The following RIMS1 variants were observed in gnomAD, a reference collection of about 807,000 sequenced individuals.
The protein encoded by RIMS1 is regulating synaptic membrane exocytosis 1.
Under a neutral mutation model 214.1 loss-of-function variants are expected in RIMS1, and 83 were observed. That is an observed-to-expected ratio of 0.39 (90% CI 0.32 to 0.47). The LOEUF is 0.47. Ranked by LOEUF, RIMS1 falls within the 20% of genes least tolerant of loss-of-function variation. The probability of loss-of-function intolerance (pLI) is 0.99; values close to 1 mark genes in which losing one functional copy is unlikely to be tolerated. For synonymous variants in RIMS1, 793 were observed against 786.8 expected, an observed-to-expected ratio of 1.01 and a Z score of -0.13; for missense variants, 2,050 against 2,161.8, an observed-to-expected ratio of 0.95 and a Z score of 1.03.
intron 28 of RIMS1, among the ~76,000 whole-genome samples, chr6:72,324,074 A>AGATAGATAGAT (rs1463457998): frequency 6.6e-6 from 1 of 151,886 alleles, no homozygotes; most frequent in African/African-American, 2.4e-5. Flanking sequence ...ATAGATAGAT[A>AGATAGATAGAT]GATAGAGAAC....
At chr6:72,208,342 C>T (rs1215914148) in intron 6 of RIMS1, among the ~76,000 whole-genome samples, 2 of 152,116 alleles carry the variant, frequency 1.3e-5, no homozygotes, top group South Asian at 2.1e-4. Flanking sequence ...AAATTTGGTC[C>T]TTGGTCAGTG....
intron 4 of RIMS1, among the ~76,000 whole-genome samples, chr6:72,141,028 A>G (rs1205235015): frequency 2.0e-5 from 3 of 152,016 alleles, no homozygotes; most frequent in African/African-American, 7.2e-5. Flanking sequence ...GTTGATGAGT[A>G]GTAGGTTATA....
At chr6:72,396,822 G>C (rs1440625952) in intron 31 of RIMS1, among the ~76,000 whole-genome samples, 2 of 152,102 alleles carry the variant, frequency 1.3e-5, no homozygotes, top group Admixed American at 1.3e-4. Flanking sequence ...AGACCAGCCT[G>C]ACCAACATGG....
At position 72,156,067 on chromosome 6, in the gene RIMS1, T is replaced by C; in HGVS notation, c.472-23508T>C. The C allele has an allele frequency of 5.5e-6, 2 of 365,988 alleles. 1 individual carries two copies. The highest frequency in any genetic ancestry group is 4.0e-5 in the South Asian group (2 of 49,536). The allele number at this position is 365,988 out of a possible 1,614,324, so 22.7% of individuals were successfully genotyped here. A position where few individuals can be genotyped will look rare whatever the true frequency, so the allele number is the denominator to read the frequency against. On this transcript the variant is annotated intron_variant, in intron 4 of 33. Transcript: ENST00000521978. ...CTATGGAAAACAGTATGGAGTTCCC[T>C]CAGAAAATTATAAATAGAAGTACTA...
In RIMS1 at chr6:72,250,905, C is replaced by T. The variant is rs951089798; in HGVS notation, c.2373-16C>T. On this transcript the variant is annotated splice_polypyrimidine_tract_variant and intron_variant, in intron 13 of 33. Coordinates refer to ENST00000521978, the MANE Select transcript of RIMS1 (RefSeq NM_014989.7). ...TGTACTTGCTTTTTCATTTACAAAA[C>T]ATACTTATTTTTCAGTGATAAAAGT... is the stretch of plus-strand genomic sequence containing the variant. The T allele has an allele frequency of 1.4e-5, 20 of 1,428,422 alleles. No homozygotes were observed. In the African/African-American group the frequency reaches 2.3e-4, roughly 17 times the overall value. The allele number at this position is 1,428,422 out of a possible 1,614,324, so 88.5% of individuals were successfully genotyped here.
chr6:72,385,180 T>C (rs2098565946), intron 29 of RIMS1, among the ~76,000 whole-genome samples: 1 of 152,222 alleles, frequency 6.6e-6, no homozygotes, highest in African/African-American at 2.4e-5. Flanking sequence ...TAGTAGACTT[T>C]ATGTCTTTAT....
rs572173491 is a variant in RIMS1, at chr6:72,195,423, T to C, written c.1678+12274T>C. ...CTGGATTAGTCTAAGAAATGATACA[T>C]GCAAGAATATCAAACAATGAGTAGC... On this transcript the variant is annotated intron_variant, in intron 6 of 33. Transcript: ENST00000521978. 9.2e-5 allele frequency among the ~76,000 whole-genome samples: 14 copies of C among 152,240 alleles called. No homozygotes were observed. In the South Asian group the frequency reaches 2.3e-3, roughly 25 times the overall value.
intron 4 of RIMS1, among the ~76,000 whole-genome samples, chr6:72,161,017 C>CTT (rs1180793385): frequency 7.6e-6 from 1 of 132,448 alleles, no homozygotes; most frequent in Admixed American, 7.8e-5. Context: ...TGGTTCTGGA[C>CTT]TTTTTTTTTT....
At chr6:71,959,517 A>C (rs1317559754) in intron 1 of RIMS1, among the ~76,000 whole-genome samples, 3 of 152,150 alleles carry the variant, frequency 2.0e-5, no homozygotes, top group African/African-American at 7.2e-5. Context: ...AATAGAAAAC[A>C]GAAAACTCAT....
At chr6:71,984,788 T>C (rs867288917) in intron 2 of RIMS1, among the ~76,000 whole-genome samples, 4,390 of 147,410 alleles carry the variant, frequency 0.03, 95 homozygotes, top group Admixed American at 0.048. Context: ...TATCTATCTA[T>C]CTATCTATCT....
chr6:71,914,045 G>A (rs934113758), intron 1 of RIMS1, among the ~76,000 whole-genome samples: 2 of 152,110 alleles, frequency 1.3e-5, no homozygotes, highest in African/African-American at 4.8e-5. Context: ...TTTAGGAAAG[G>A]CAGAGTCCTA....
At chr6:72,091,382 G>A (rs909316013) in intron 2 of RIMS1, among the ~76,000 whole-genome samples, 2 of 152,160 alleles carry the variant, frequency 1.3e-5, no homozygotes, top group Non-Finnish European at 2.9e-5. Flanking sequence ...ATAGAAAAAT[G>A]TGAATTTCTG....
chr6:72,048,760 G>A (rs936182385), intron 2 of RIMS1, among the ~76,000 whole-genome samples: 24 of 152,204 alleles, frequency 1.6e-4, no homozygotes, highest in African/African-American at 5.5e-4. Flanking sequence ...AGACCAGAGA[G>A]TAAATTCATT....
At chr6:71,998,212 T>C (rs552176069) in intron 2 of RIMS1, among the ~76,000 whole-genome samples, 1 of 152,308 alleles carries the variant, frequency 6.6e-6, no homozygotes, top group South Asian at 2.1e-4. Flanking sequence ...TTTTTGTTTC[T>C]AAAATTTAGA....
intron 6 of RIMS1, among the ~76,000 whole-genome samples, chr6:72,193,656 A>G (rs2050411873): frequency 6.6e-6 from 1 of 152,212 alleles, no homozygotes; most frequent in South Asian, 2.1e-4. Flanking sequence ...CTTAACTTCC[A>G]TAAATCTCCA....
At chr6:72,125,377 G>A (rs987569547) in intron 4 of RIMS1, among the ~76,000 whole-genome samples, 8 of 152,044 alleles carry the variant, frequency 5.3e-5, no homozygotes, top group Non-Finnish European at 8.8e-5. Context: ...AGGGGCACCC[G>A]GCTGTATGAG....
At chr6:71,981,421 A>C (rs1016002784) in intron 2 of RIMS1, among the ~76,000 whole-genome samples, 1 of 152,106 alleles carries the variant, frequency 6.6e-6, no homozygotes, top group Admixed American at 6.6e-5. Context: ...TTCTTGCTCA[A>C]TCTTGGGCTA....
At chr6:72,006,446 T>C (rs1378030541) in intron 2 of RIMS1, among the ~76,000 whole-genome samples, 1 of 152,158 alleles carries the variant, frequency 6.6e-6, no homozygotes, top group Non-Finnish European at 1.5e-5. Flanking sequence ...GCTGAGGTAC[T>C]GGGTTCATCT....
chr6:71,947,000 A>G (rs1051832776), intron 1 of RIMS1, among the ~76,000 whole-genome samples: 1 of 152,130 alleles, frequency 6.6e-6, no homozygotes, highest in African/African-American at 2.4e-5. Flanking sequence ...ACATTTCTCA[A>G]AAGAAGACAT....
Sources: allele counts gnomAD v4.1 joint callset (sites outside exome capture counted in the v4.1 genomes callset), GRCh38; gene constraint gnomAD v4.1.1; transcripts MANE v1.5; gene names NCBI Gene and HGNC (gene_info 2026-07-23, HGNC 2026-07-21).